NEGR1: variants seen among roughly 807,000 people sequenced by gnomAD.
NEGR1 encodes the protein neuronal growth regulator 1, also known as IgLON family member 4.
Under a neutral mutation model 40.9 loss-of-function variants are expected in NEGR1, and 10 were observed. The ratio of observed to expected loss-of-function variants is 0.24; its 90% CI spans 0.15 to 0.42. The LOEUF (loss-of-function observed/expected upper bound fraction) is 0.42. Ranked by LOEUF, NEGR1 falls within the 10% of genes least tolerant of loss-of-function variation. NEGR1 has a pLI of 1.00. For synonymous variants in NEGR1, 185 were observed against 166.8 expected (o/e 1.11, Z -0.84); for missense variants, 352 against 438.9 (o/e 0.80, Z 1.77).
chr1:71,526,645 G>C (rs537236531), intron 6 of NEGR1, among the ~76,000 whole-genome samples: 1 of 151,452 alleles, frequency 6.6e-6, no homozygotes, highest in African/African-American at 2.4e-5. Context: ...TCTTGAATTA[G>C]TTCCATTCTC....
chr1:71,775,999 A>AAAT (rs1165061922), intron 3 of NEGR1, among the ~76,000 whole-genome samples, 173 bp downstream of exon 3: 1 of 43,928 alleles, frequency 2.3e-5, no homozygotes, highest in Non-Finnish European at 5.1e-5. Context: ...TCTCAAAAAT[A>AAAT]AATAAATAAA....
chr1:72,175,074 G>A (rs1041188687), intron 1 of NEGR1, among the ~76,000 whole-genome samples: 9 of 151,890 alleles, frequency 5.9e-5, no homozygotes, highest in South Asian at 4.2e-4. Context: ...CCATTAACTC[G>A]TCATTTAGCA....
chr1:71,746,042 C>T (rs1655370439), intron 3 of NEGR1, among the ~76,000 whole-genome samples: 1 of 152,186 alleles, frequency 6.6e-6, no homozygotes, highest in African/African-American at 2.4e-5. Context: ...TCCCTTTCTA[C>T]ATGCCTGTCC....
chr1:71,554,689 TG>T (rs1273095940), intron 6 of NEGR1, among the ~76,000 whole-genome samples: 1 of 151,562 alleles, frequency 6.6e-6, no homozygotes, highest in African/African-American at 2.4e-5. Flanking sequence ...TGGAAAAATT[TG>T]GACATTCTAG....
intron 1 of NEGR1, among the ~76,000 whole-genome samples, chr1:72,196,788 A>AG (rs1312137786): frequency 6.6e-6 from 1 of 151,672 alleles, no homozygotes; most frequent in Non-Finnish European, 1.5e-5. Context: ...TCACTACAAG[A>AG]GAAAAAATGA....
chr1:71,494,220 T>A (rs1344103106), intron 6 of NEGR1, among the ~76,000 whole-genome samples: 1 of 152,170 alleles, frequency 6.6e-6, no homozygotes, highest in Admixed American at 6.6e-5. Flanking sequence ...CCATGCTATA[T>A]CACCTCTAAT....
chr1:71,995,752 C>T (rs555195102), intron 1 of NEGR1, among the ~76,000 whole-genome samples: 6 of 152,060 alleles, frequency 3.9e-5, no homozygotes, highest in African/African-American at 1.4e-4. Context: ...TTTTTTAATG[C>T]CAAAGGCAAT....
chr1:71,693,363 T>G (rs898650149), intron 4 of NEGR1, among the ~76,000 whole-genome samples: 1 of 151,668 alleles, frequency 6.6e-6, no homozygotes, highest in African/African-American at 2.4e-5. Flanking sequence ...GACTCTAAAC[T>G]GTTTAACCCT....
At chr1:71,743,108 A>G (rs966869955) in intron 3 of NEGR1, among the ~76,000 whole-genome samples, 1 of 152,156 alleles carries the variant, frequency 6.6e-6, no homozygotes, top group Non-Finnish European at 1.5e-5. Context: ...TAGCAACTTG[A>G]TCTTGGACTT....
chr1:71,701,885 A>T (rs1438846974), intron 3 of NEGR1, among the ~76,000 whole-genome samples: 2 of 152,130 alleles, frequency 1.3e-5, no homozygotes, highest in Non-Finnish European at 2.9e-5. Flanking sequence ...ATTCATTTTG[A>T]AGAACAAAAA....
At chr1:71,944,959 G>A (rs1001609692) in intron 1 of NEGR1, among the ~76,000 whole-genome samples, 8 of 152,024 alleles carry the variant, frequency 5.3e-5, no homozygotes, top group Non-Finnish European at 1.2e-4. Flanking sequence ...ATAAATTAAG[G>A]AGTATACCCA....
In NEGR1 at chr1:72,222,205, T is replaced by C. The variant is rs550474625; in HGVS notation, c.176+60114A>G. On this transcript the variant is annotated intron_variant, in intron 1 of 6. Transcript: ENST00000357731. ...CAGGCCAGCCCCTGTGGATACAGGC[T>C]GCAGGCTCATACTTGCAAACCCAGG... 1.2e-4 allele frequency among the ~76,000 whole-genome samples: 18 copies of C among 152,156 alleles called. No individual in the cohort carries two copies. The South Asian group carries it at 3.5e-3, about 30-fold the overall frequency.
At chr1:71,668,254 G>T (rs1652305440) in intron 4 of NEGR1, among the ~76,000 whole-genome samples, 1 of 152,128 alleles carries the variant, frequency 6.6e-6, no homozygotes, top group African/African-American at 2.4e-5. Flanking sequence ...CGTGGGAGAA[G>T]AATGCATCCA....
intron 2 of NEGR1, among the ~76,000 whole-genome samples, chr1:71,800,579 T>A (rs1444080743): frequency 2.0e-5 from 3 of 152,190 alleles, no homozygotes; most frequent in African/African-American, 7.2e-5. Flanking sequence ...CCCTGTAACA[T>A]ACTGTTCATG....
At chr1:72,040,054 C>A (rs1646938230) in intron 1 of NEGR1, among the ~76,000 whole-genome samples, 1 of 151,894 alleles carries the variant, frequency 6.6e-6, no homozygotes. Context: ...CTGACATATA[C>A]AAAACCTTCA....
At chr1:71,905,278 T>C (rs565927261) in intron 2 of NEGR1, among the ~76,000 whole-genome samples, 1 of 152,222 alleles carries the variant, frequency 6.6e-6, no homozygotes, top group Non-Finnish European at 1.5e-5. Flanking sequence ...AATCACAATA[T>C]TTTTGATAAA....
rs190220123 is a variant in NEGR1 at position 72,180,956 on chromosome 1, C to T, written c.176+101363G>A. Among the ~76,000 whole-genome samples the T allele has an allele frequency of 1.2e-4, 18 of 152,000 alleles. No individual in the cohort carries two copies. In the South Asian group the frequency reaches 1.9e-3, roughly 16 times the overall value. On this transcript the variant is annotated intron_variant, in intron 1 of 6. Transcript: ENST00000357731. ...GCTGTTTCTTTGAGCAAAATGGTGA[C>T]TGTGGTGCTGATGGTGCACCATGTC...
At chr1:71,617,289 C>T (rs185625738) in intron 4 of NEGR1, among the ~76,000 whole-genome samples, 1 of 152,260 alleles carries the variant, frequency 6.6e-6, no homozygotes, top group African/African-American at 2.4e-5. Context: ...CTTTGGCTAG[C>T]ACCATAACTA....
intron 1 of NEGR1, among the ~76,000 whole-genome samples, chr1:71,966,737 C>A (rs1430405786): frequency 6.6e-6 from 1 of 152,150 alleles, no homozygotes; most frequent in African/African-American, 2.4e-5. Flanking sequence ...ATCACATCAG[C>A]AGGCAAGTCA....
Sources: allele counts gnomAD v4.1 joint callset (sites outside exome capture counted in the v4.1 genomes callset), GRCh38; gene constraint gnomAD v4.1.1; transcripts MANE v1.5; gene names NCBI Gene and HGNC (gene_info 2026-07-23, HGNC 2026-07-21).